Variants in RTN1 observed in about 807,000 individuals in gnomAD.
The protein encoded by RTN1 is reticulon-1.
RTN1 carries 25 observed loss-of-function variants against 65.5 expected under a neutral mutation model. The observed-to-expected ratio is 0.38, with a 90% CI of 0.28 to 0.53. The LOEUF (loss-of-function observed/expected upper bound fraction) is 0.53, where lower values mean the gene tolerates loss of function less well. RTN1 is among the 20% of genes least tolerant of loss of function. The pLI is 0.79. For synonymous variants in RTN1, 471 were observed against 447.6 expected, an observed-to-expected ratio of 1.05 and a Z score of -0.66; for missense variants, 983 against 1,025.4, an observed-to-expected ratio of 0.96 and a Z score of 0.57.
Position 59,746,408 on chromosome 14 carries a change from G to A in RTN1, c.315C>T (p.Tyr105=), listed in dbSNP as rs781246406. 2.5e-6 allele frequency: 4 copies of A among 1,613,800 alleles called. No individual in the cohort carries two copies. Among genetic ancestry groups the A allele is most frequent in the South Asian group, 2.2e-5 (2 of 91,038 alleles). The part of the protein sequence containing the change: ...TTSKDGEGSC[Y]TSLISDICYP... The stretch of plus-strand genomic sequence containing the variant: ...AGCAGATGTCAGAAATGAGAGATGT[G>A]TAACACGATCCTTCCCCATCTTTTG... Residue 105 remains tyrosine, a synonymous_variant, in exon 2 of 9, where the codon TAC becomes TAT. Coordinates refer to ENST00000267484, the MANE Select transcript of RTN1 (RefSeq NM_021136.3).
chr14:59,818,236 T>C (rs905370186), intron 1 of RTN1, among the ~76,000 whole-genome samples: 6 of 152,240 alleles, frequency 3.9e-5, no homozygotes, highest in African/African-American at 1.2e-4. Context: ...TTCCATGATG[T>C]GTATGTACCT....
intron 1 of RTN1, among the ~76,000 whole-genome samples, chr14:59,861,192 GC>G (rs1321018565): frequency 6.6e-6 from 1 of 152,146 alleles, no homozygotes; most frequent in Non-Finnish European, 1.5e-5. Context: ...GAGGAACCCA[GC>G]GGGAGGTAAT....
chr14:59,827,635 C>A (rs575072471), intron 1 of RTN1, among the ~76,000 whole-genome samples: 1 of 152,274 alleles, frequency 6.6e-6, no homozygotes, highest in East Asian at 1.9e-4. Flanking sequence ...AATCAGGAAG[C>A]CCTGTCCCAG....
At chr14:59,749,875 C>CTA (rs1352432769) in intron 1 of RTN1, among the ~76,000 whole-genome samples, 5 of 106,158 alleles carry the variant, frequency 4.7e-5, no homozygotes, top group Admixed American at 2.9e-4. Flanking sequence ...ATTTATATAT[C>CTA]TATATATATA....
chr14:59,600,440 TA>T (rs1436123769), intron 8 of RTN1, among the ~76,000 whole-genome samples: 1 of 152,232 alleles, frequency 6.6e-6, no homozygotes, highest in Non-Finnish European at 1.5e-5. Flanking sequence ...GATGAGCTCA[TA>T]CAGCTAAAAA....
chr14:59,802,388 C>T (rs1222859166), intron 1 of RTN1, among the ~76,000 whole-genome samples: 2 of 152,144 alleles, frequency 1.3e-5, no homozygotes, highest in African/African-American at 4.8e-5. Flanking sequence ...CACTAGGCTA[C>T]AACAGACTGA....
At chr14:59,682,674 A>G (rs936110437) in intron 3 of RTN1, among the ~76,000 whole-genome samples, 1 of 152,242 alleles carries the variant, frequency 6.6e-6, no homozygotes, top group Admixed American at 6.5e-5. Flanking sequence ...CATAAAACAG[A>G]AACAATTGTC....
intron 1 of RTN1, among the ~76,000 whole-genome samples, chr14:59,819,295 G>C (rs1301605292): frequency 6.6e-6 from 1 of 150,896 alleles, no homozygotes; most frequent in Non-Finnish European, 1.5e-5. Flanking sequence ...GTTGGGGCTC[G>C]GGTGGCGGGT....
At chr14:59,750,066 T>C (rs1357560414) in intron 1 of RTN1, among the ~76,000 whole-genome samples, 2 of 34,910 alleles carry the variant, frequency 5.7e-5, no homozygotes, top group East Asian at 6.9e-4. Flanking sequence ...ATACATATAT[T>C]ATATATTATA....
At chr14:59,610,209 C>T (rs1182081337) in intron 3 of RTN1, 2 of 730,914 alleles carry the variant, frequency 2.7e-6, no homozygotes, top group South Asian at 1.5e-5. Context: ...ATGGCAGGCA[C>T]TTCATGGACT....
chr14:59,839,429 C>T (rs745845689), intron 1 of RTN1, among the ~76,000 whole-genome samples: 14 of 152,250 alleles, frequency 9.2e-5, no homozygotes, highest in Middle Eastern at 3.4e-3. Flanking sequence ...GTCATGCATG[C>T]CTATTGCAAC....
intron 3 of RTN1, among the ~76,000 whole-genome samples, chr14:59,699,164 T>A (rs1023161945): frequency 1.3e-5 from 2 of 152,128 alleles, no homozygotes; most frequent in Non-Finnish European, 2.9e-5. Context: ...CTTTTATCCT[T>A]TGAGCGCAGG....
At chr14:59,708,856 A>T (rs533384884) in intron 3 of RTN1, among the ~76,000 whole-genome samples, 36 of 152,356 alleles carry the variant, frequency 2.4e-4, no homozygotes, top group Middle Eastern at 3.4e-3. Flanking sequence ...GAATTTCATA[A>T]GAAAATATTG....
chr14:59,715,426 G>A (rs1317164015), intron 3 of RTN1, among the ~76,000 whole-genome samples: 1 of 152,150 alleles, frequency 6.6e-6, no homozygotes, highest in Non-Finnish European at 1.5e-5. Flanking sequence ...ATCATTCAAA[G>A]CCAAGATTTT....
intron 3 of RTN1, among the ~76,000 whole-genome samples, chr14:59,637,257 A>T (rs1021882389): frequency 1.1e-4 from 17 of 152,258 alleles, no homozygotes; most frequent in African/African-American, 3.4e-4. Flanking sequence ...TTCTTTGGTC[A>T]TCCATAAGAA....
intron 3 of RTN1, among the ~76,000 whole-genome samples, chr14:59,714,655 G>A (rs1030395631): frequency 2.6e-5 from 4 of 152,184 alleles, no homozygotes; most frequent in African/African-American, 7.2e-5. Context: ...CAAGGAGGTT[G>A]GGAAATACAG....
chr14:59,826,909 T>C (rs1043342836), intron 1 of RTN1, among the ~76,000 whole-genome samples: 2 of 152,084 alleles, frequency 1.3e-5, no homozygotes, highest in African/African-American at 4.8e-5. Flanking sequence ...TAAAATAGAC[T>C]TGACTGCTAG....
intron 3 of RTN1, among the ~76,000 whole-genome samples, chr14:59,667,670 G>A (rs1393870801): frequency 3.3e-5 from 5 of 152,134 alleles, no homozygotes; most frequent in Admixed American, 2.0e-4. Context: ...AAGTCGAATT[G>A]TCCCTGTTTG....
intron 3 of RTN1, among the ~76,000 whole-genome samples, chr14:59,640,658 A>T (rs1882757903): frequency 6.6e-6 from 1 of 152,074 alleles, no homozygotes; most frequent in East Asian, 1.9e-4. Flanking sequence ...CTTGGCATAA[A>T]TTTTTTATAA....
Sources: allele counts gnomAD v4.1 joint callset (sites outside exome capture counted in the v4.1 genomes callset), GRCh38; gene constraint gnomAD v4.1.1; transcripts MANE v1.5; gene names NCBI Gene and HGNC (gene_info 2026-07-23, HGNC 2026-07-21).